Variants in PPFIA4 observed in about 807,000 individuals in gnomAD.
PPFIA4 encodes the protein PPFI scaffold protein A4.
In PPFIA4, 98 loss-of-function variants were observed where a neutral mutation model predicts 145.7. The ratio of observed to expected loss-of-function variants is 0.67; its 90% CI spans 0.57 to 0.80. The LOEUF is 0.80. Ranked by LOEUF, PPFIA4 falls within the 30% of genes least tolerant of loss-of-function variation. The pLI is 0.00. For synonymous variants in PPFIA4, 628 were observed against 649.6 expected (o/e 0.97, Z 0.51); for missense variants, 1,457 against 1,632.7 (o/e 0.89, Z 1.85).
At position 203,030,807 on chromosome 1, in the gene PPFIA4, T is replaced by G. The variant is rs118091405; in HGVS notation, c.-400+4178T>G. Among the ~76,000 whole-genome samples, 68 of 152,322 alleles carry G rather than the reference T, an allele frequency of 4.5e-4. 1 individual carries two copies. The East Asian group carries it at 7.0e-3, about 16-fold the overall frequency. On this transcript the variant is annotated intron_variant, in intron 1 of 29. Transcript: ENST00000295706. ...CAGCTCCCATGTGCTCCTGGGAGCA[T>G]GTATGATGTTATGAATCCCAGATGC...
chr1:203,066,580 C>T (rs764229107), intron 25 of PPFIA4, among the ~76,000 whole-genome samples: 3 of 152,158 alleles, frequency 2.0e-5, no homozygotes, highest in Non-Finnish European at 2.9e-5. Flanking sequence ...CCCCTGGAGG[C>T]ATTCAGGCAC....
At chr1:203,057,424 A>G (rs781185860) in intron 19 of PPFIA4, among the ~76,000 whole-genome samples, 9 of 152,216 alleles carry the variant, frequency 5.9e-5, no homozygotes, top group Admixed American at 1.3e-4. Flanking sequence ...AAATTCAAGG[A>G]AGAGCTTAGG....
At chr1:203,074,179 A>G (rs1360425774) in intron 28 of PPFIA4, among the ~76,000 whole-genome samples, 6 of 152,144 alleles carry the variant, frequency 3.9e-5, no homozygotes, top group South Asian at 2.1e-4. Context: ...CTACGGGGAT[A>G]AGTTCTGAGA....
chr1:203,068,688 T>C lies in PPFIA4; in HGVS notation c.3324+60T>C. 20 of 1,397,436 alleles carry C rather than the reference T, an allele frequency of 1.4e-5. No individual in the cohort carries two copies. The Middle Eastern group carries it at 7.4e-4, about 51-fold the overall frequency. The allele number at this position is 1,397,436 out of a possible 1,614,324, so 86.6% of individuals were successfully genotyped here. On this transcript the variant is annotated intron_variant, in intron 27 of 29. Transcript: ENST00000295706. This position sits in a 1 kb window ranked among gnomAD's most constrained non-coding sequence, Gnocchi z 4.7. The stretch of plus-strand genomic sequence containing the variant: ...TCCCTGTATCCCTCACTTGCTCTCT[T>C]TCTTTCCCTCATACACAAAGGCTTA...
intron 13 of PPFIA4, among the ~76,000 whole-genome samples, chr1:203,050,305 C>G (rs753429939): frequency 7.2e-5 from 11 of 152,244 alleles, no homozygotes; most frequent in Non-Finnish European, 1.5e-4. Flanking sequence ...TGGAGCTTAT[C>G]TCCTAATGCT....
chr1:203,036,443 C>T (rs4950907), intron 1 of PPFIA4, among the ~76,000 whole-genome samples: 9,777 of 152,196 alleles, frequency 0.064, 416 homozygotes, highest in East Asian at 0.21. Context: ...TACCTAAGCT[C>T]CTTCCTGGCA....
chr1:203,044,537 A>G, intron 5 of PPFIA4, 84 bp downstream of exon 5: 1 of 1,455,848 alleles, frequency 6.9e-7, no homozygotes, highest in East Asian at 2.5e-5. Flanking sequence ...TTCTTGTCAG[A>G]TTTCTCCCTG....
At chr1:203,035,208 C>G (rs1319389327) in intron 1 of PPFIA4, 2 of 432,752 alleles carry the variant, frequency 4.6e-6, no homozygotes, top group Non-Finnish European at 9.3e-6. Context: ...TCCCTTTTTG[C>G]CCAGCTGAAT....
intron 29 of PPFIA4, 115 bp from the exon 30 acceptor site, chr1:203,076,226 C>A: frequency 8.6e-7 from 1 of 1,166,042 alleles, no homozygotes; most frequent in Non-Finnish European, 1.3e-6. Context: ...TGGCCTGGGG[C>A]GCTTTGCGCT....
chr1:203,043,347 C>A lies in PPFIA4; in HGVS notation c.235-50C>A, dbSNP rs958482861. On this transcript the variant is annotated intron_variant, in intron 2 of 29. Transcript: ENST00000295706. This position sits in a 1 kb window ranked among gnomAD's most constrained non-coding sequence, Gnocchi z 4.4. ...ACCACTGACTTGCATGTGCAGGACA[C>A]TGCTTTGGGGGTGAATCCTGAAGCA... 2 of 1,512,810 alleles carry A rather than the reference C, an allele frequency of 1.3e-6. No homozygotes were observed. Among genetic ancestry groups the A allele is most frequent in the Non-Finnish European group, 9.0e-7 (1 of 1,106,852 alleles). 93.7% of individuals were successfully genotyped at this position (1,512,810 alleles called of 1,614,324 possible).
chr1:203,039,051 G>T lies in PPFIA4; in HGVS notation c.43G>T (p.Gly15Cys). Residue 15 changes from glycine (G) to cysteine (C), a missense_variant, in exon 2 of 30, where the codon GGT (glycine) becomes TGT (cysteine). Gly to Cys is a radical substitution (Grantham distance 159). Around this residue, in one of 3 missense-constraint regions of PPFIA4, gnomAD observed 463 missense variants for 459.8 expected, o/e 1.01. Transcript: ENST00000295706. ...MPTINEGDRLGPPHGADADAN... is the reference protein window; with the variant it reads ...MPTINEGDRLCPPHGADADAN... ...CACAATCAATGAGGGGGACCGCCTG[G>T]GTCCCCCTCATGGCGCCGATGCTGA... 6.3e-7 allele frequency: 1 copy of T among 1,596,648 alleles called. No homozygotes were observed. Among genetic ancestry groups the T allele is most frequent in the South Asian group, 1.1e-5 (1 of 88,552 alleles).
Position 203,038,950 on chromosome 1 carries a change from C to T in PPFIA4, c.-59C>T. 1 of 957,396 alleles carries T rather than the reference C, an allele frequency of 1.0e-6. No individual in the cohort carries two copies. The highest frequency in any genetic ancestry group is 1.6e-6 in the Non-Finnish European group (1 of 635,712). 59.3% of individuals were successfully genotyped at this position (957,396 alleles called of 1,614,324 possible). A position where few individuals can be genotyped will look rare whatever the true frequency, so the allele number is the denominator to read the frequency against. On this transcript the variant is annotated 5_prime_UTR_variant, in exon 2 of 30. Coordinates refer to ENST00000295706, the MANE Select transcript of PPFIA4 (RefSeq NM_001304331.2). Reference sequence around the variant, plus strand: ...CATGCACTGGGTTCCCCTGGAGGTGCCAACCCTGTGAGTCCCTCCCTGTCC... The same window carrying T: ...CATGCACTGGGTTCCCCTGGAGGTGTCAACCCTGTGAGTCCCTCCCTGTCC...
intron 1 of PPFIA4, among the ~76,000 whole-genome samples, chr1:203,028,131 G>A (rs922897370): frequency 6.6e-6 from 1 of 152,238 alleles, no homozygotes; most frequent in African/African-American, 2.4e-5. Context: ...TGTGTAGTGG[G>A]AGACGCCATC....
At chr1:203,032,430 T>TTTTTTTTTTGTTG (rs57892403) in intron 1 of PPFIA4, among the ~76,000 whole-genome samples, 43,143 of 139,150 alleles carry the variant, frequency 0.31, 7,250 homozygotes, top group Non-Finnish European at 0.34. Context: ...TCCCCGCTTT[T>TTTTTTTTTTGTTG]TTGTTGTTGT....
intron 13 of PPFIA4, chr1:203,051,141 G>T (rs1284861688): frequency 2.0e-6 from 2 of 985,160 alleles, no homozygotes; most frequent in Admixed American, 1.2e-4. Flanking sequence ...TGTTGCTTGG[G>T]TCCTAAAATC....
intron 1 of PPFIA4, among the ~76,000 whole-genome samples, chr1:203,036,590 T>C (rs1179345174): frequency 6.6e-6 from 1 of 151,938 alleles, no homozygotes; most frequent in Non-Finnish European, 1.5e-5. Flanking sequence ...TGGATGTGGA[T>C]GAGCTTGGGG....
At chr1:203,044,122 A>ATC in intron 4 of PPFIA4, 27 bp downstream of exon 4, 1 of 1,551,836 alleles carries the variant, frequency 6.4e-7, no homozygotes, top group South Asian at 1.2e-5. Context: ...CAGCCCCCAC[A>ATC]TCCAGCCAGG....
intron 1 of PPFIA4, among the ~76,000 whole-genome samples, chr1:203,032,158 C>T (rs1054474211): frequency 5.9e-5 from 9 of 151,646 alleles, no homozygotes; most frequent in African/African-American, 2.2e-4. Context: ...ACAATTGAAA[C>T]CTTAATCAGA....
Position 203,059,223 on chromosome 1 carries a change from C to A in PPFIA4, c.2453C>A (p.Pro818His). Residue 818 changes from proline to histidine, a missense_variant, in exon 20 of 30, where the codon CCT (proline) becomes CAT (histidine). By Grantham distance (77) the Pro-to-His change is moderately conservative (BLOSUM62 -2). Coordinates refer to ENST00000295706, the MANE Select transcript of PPFIA4 (RefSeq NM_001304331.2). Reference sequence around the variant, plus strand: ...TTCAGTATGCAGGAGCCTATGGTGCCTGCCAAGCTGGGGACCCAGGCAGAG... The same window carrying A: ...TTCAGTATGCAGGAGCCTATGGTGCATGCCAAGCTGGGGACCCAGGCAGAG... ...SEFSMQEPMV[P>H]AKLGTQAEKD... The A allele has an allele frequency of 6.4e-7, 1 of 1,557,792 alleles. No individual in the cohort carries two copies. The highest frequency in any genetic ancestry group is 1.8e-5 in the Admixed American group (1 of 54,228).
Sources: allele counts gnomAD v4.1 joint callset (sites outside exome capture counted in the v4.1 genomes callset), GRCh38; gene constraint gnomAD v4.1.1; regional missense constraint gnomAD v4.1.1; non-coding constraint Gnocchi (gnomAD v3.1); transcripts MANE v1.5; gene names NCBI Gene and HGNC (gene_info 2026-07-23, HGNC 2026-07-21).